The following FRMD4B variants were observed in gnomAD, a reference collection of about 807,000 sequenced individuals.
FRMD4B encodes FERM domain-containing protein 4B.
In FRMD4B, 74 loss-of-function variants were observed where a neutral mutation model predicts 141.5. The ratio of observed to expected loss-of-function variants is 0.52; its 90% confidence interval spans 0.43 to 0.63. The LOEUF is 0.63. Among genes scored for constraint, FRMD4B ranks in the 30% least tolerant of loss-of-function variants. FRMD4B has a pLI of 0.00. For synonymous variants in FRMD4B, 506 were observed against 467.9 expected, an observed-to-expected ratio of 1.08 and a Z score of -1.05; for missense variants, 1,366 against 1,253.4, an observed-to-expected ratio of 1.09 and a Z score of -1.36.
At chr3:69,525,440 A>G (rs1282348157) in intron 1 of FRMD4B, among the ~76,000 whole-genome samples, 1 of 152,208 alleles carries the variant, frequency 6.6e-6, no homozygotes, top group East Asian at 1.9e-4. Flanking sequence ...AAAGCACTGC[A>G]GGAAACAGGC....
At chr3:69,282,213 T>C (rs1420249331) in intron 5 of FRMD4B, among the ~76,000 whole-genome samples, 1 of 152,230 alleles carries the variant, frequency 6.6e-6, no homozygotes, top group Non-Finnish European at 1.5e-5. Context: ...TTCTTGCCTG[T>C]GTATTTCTGT....
intron 1 of FRMD4B, among the ~76,000 whole-genome samples, chr3:69,540,029 C>T (rs1157559527): frequency 6.6e-6 from 1 of 151,952 alleles, no homozygotes; most frequent in Admixed American, 6.6e-5. Flanking sequence ...CCGGTCTCTA[C>T]TAAAAATACA....
At position 69,252,992 on chromosome 3, in the gene FRMD4B, T is replaced by C. The variant is rs13082748; in HGVS notation, c.502-2893A>G. 2.6e-3 allele frequency among the ~76,000 whole-genome samples: 393 copies of C among 152,168 alleles called. 1 individual carries two copies. The highest frequency in any genetic ancestry group is 4.6e-3 in the Non-Finnish European group (316 of 68,020). On this transcript the variant is annotated intron_variant, in intron 5 of 22. Coordinates refer to ENST00000398540, the MANE Select transcript of FRMD4B (RefSeq NM_015123.3). ...CCTCATGGCTAATTTAACTGGGTTA[T>C]AAATTCAATCAATAGGTCACCGGGT...
At position 69,410,726 on chromosome 3, in the gene FRMD4B, AATAT is replaced by A. The variant is rs767608068; in HGVS notation, c.-1+21904_-1+21907del. On this transcript the variant is annotated intron_variant, in intron 2 of 5. Transcript: ENST00000459638. ...AAATATATAAATAAATAAATAAATA[AATAT>A]ATATATATATATATATATATATATA... Among the ~76,000 whole-genome samples the A allele has an allele frequency of 8.2e-3, 703 of 85,544 alleles. 2 individuals carry two copies. The highest frequency in any genetic ancestry group is 0.011 in the Non-Finnish European group (462 of 40,720). 56.1% of individuals were successfully genotyped at this position (85,544 alleles called of 152,430 possible). A position where few individuals can be genotyped will look rare whatever the true frequency, so the allele number is the denominator to read the frequency against.
intron 19 of FRMD4B, among the ~76,000 whole-genome samples, chr3:69,187,540 C>CA (rs1225816489): frequency 8.1e-4 from 88 of 108,078 alleles, no homozygotes; most frequent in African/African-American, 2.5e-3. Flanking sequence ...AACTCCACCT[C>CA]AAAAAAAAAA....
At chr3:69,505,363 G>A (rs1019114808) in intron 1 of FRMD4B, among the ~76,000 whole-genome samples, 3 of 151,994 alleles carry the variant, frequency 2.0e-5, no homozygotes, top group Admixed American at 6.6e-5. Flanking sequence ...GGATGACAGA[G>A]CAAGACCCTA....
chr3:69,477,963 T>C (rs995820639), intron 1 of FRMD4B, among the ~76,000 whole-genome samples: 2 of 152,172 alleles, frequency 1.3e-5, no homozygotes, highest in Non-Finnish European at 2.9e-5. Context: ...ATTTATCCAT[T>C]TCTTCTAGAT....
chr3:69,530,594 A>G (rs1700997494), intron 1 of FRMD4B, among the ~76,000 whole-genome samples: 2 of 151,728 alleles, frequency 1.3e-5, no homozygotes, highest in Admixed American at 1.3e-4. Context: ...CCTCAGGTAT[A>G]CCTTTATAGC....
chr3:69,317,754 C>CAAAAAAAAAAAAAAA (rs765280161), intron 1 of FRMD4B, among the ~76,000 whole-genome samples: 1 of 52,610 alleles, frequency 1.9e-5, no homozygotes, highest in Non-Finnish European at 3.3e-5. Flanking sequence ...GACACCAACT[C>CAAAAAAAAAAAAAAA]AAAAAAAAAA....
intron 1 of FRMD4B, among the ~76,000 whole-genome samples, chr3:69,460,902 A>G (rs1410847553): frequency 6.6e-6 from 1 of 152,176 alleles, no homozygotes; most frequent in Non-Finnish European, 1.5e-5. Context: ...TTCCAGCTCT[A>G]ATTGGAGCTG....
At chr3:69,441,576 A>T (rs991440732) in intron 1 of FRMD4B, among the ~76,000 whole-genome samples, 1 of 152,144 alleles carries the variant, frequency 6.6e-6, no homozygotes, top group Non-Finnish European at 1.5e-5. Flanking sequence ...TTATTGGTGT[A>T]TTATTCCCCA....
At chr3:69,293,329 C>T (rs530092360) in intron 4 of FRMD4B, among the ~76,000 whole-genome samples, 1 of 151,990 alleles carries the variant, frequency 6.6e-6, no homozygotes, top group South Asian at 2.1e-4. Context: ...AGTTTGAATC[C>T]TAGCTCCAGT....
rs571779878 is a variant in FRMD4B, at chr3:69,518,766, G to A, written c.-129+23440C>T. On this transcript the variant is annotated intron_variant, in intron 1 of 5. Transcript: ENST00000459638. ...GCTATAATGTTTAGGACTGAGCCCT[G>A]TGCAAGCCAAGGAAGGTAGGCTGAA... Among the ~76,000 whole-genome samples, 12 of 152,324 alleles carry A rather than the reference G, an allele frequency of 7.9e-5. No individual in the cohort carries two copies. The South Asian group carries it at 2.5e-3, about 32-fold the overall frequency.
chr3:69,508,982 C>G (rs994272888), intron 1 of FRMD4B, among the ~76,000 whole-genome samples: 1 of 152,218 alleles, frequency 6.6e-6, no homozygotes, highest in Non-Finnish European at 1.5e-5. Context: ...ATTCTCTAGA[C>G]TAGGTCTTGA....
intron 1 of FRMD4B, among the ~76,000 whole-genome samples, chr3:69,342,501 A>AT (rs1702772277): frequency 6.6e-6 from 1 of 152,198 alleles, no homozygotes; most frequent in Non-Finnish European, 1.5e-5. Context: ...CAATCTTCTG[A>AT]TGGTGTCTAA....
At chr3:69,536,369 C>G (rs1016891745) in intron 1 of FRMD4B, 3 of 696,524 alleles carry the variant, frequency 4.3e-6, no homozygotes, top group East Asian at 5.5e-5. Context: ...AGGGGCCTGG[C>G]GAGGAGGCTG....
In FRMD4B at chr3:69,195,317, GGA is replaced by G; in HGVS notation, c.1280_1281del (p.Ile427ThrfsTer2). 3 of 1,613,096 alleles carry G rather than the reference GGA, an allele frequency of 1.9e-6. No homozygotes were observed. The highest frequency in any genetic ancestry group is 2.5e-6 in the Non-Finnish European group (3 of 1,179,464). Reference protein sequence around the residue: ...EVSEEQKREKILELKKKEKLL... With the variant: ...EVSEEQKREKXLELKKKEKLL... ...AGTTTCTCCTTCTTCTTTAGTTCAAGGATTTTTTCTCTCTTTTGCTCTTCACT... is the reference window on the plus strand; with the variant it reads ...AGTTTCTCCTTCTTCTTTAGTTCAAGTTTTTTCTCTCTTTTGCTCTTCACT... On this transcript the variant is annotated frameshift_variant, in exon 15 of 23. Coordinates refer to ENST00000398540, the MANE Select transcript of FRMD4B (RefSeq NM_015123.3). LOFTEE classifies it high-confidence loss of function.
chr3:69,292,563 C>T (rs35241780), intron 4 of FRMD4B, among the ~76,000 whole-genome samples: 76,565 of 152,008 alleles, frequency 0.5, 19,682 homozygotes, highest in Non-Finnish European at 0.55. Flanking sequence ...TACTTTCTGG[C>T]GACCAGCCCT....
chr3:69,493,372 G>C (rs570247971), intron 1 of FRMD4B, among the ~76,000 whole-genome samples: 3 of 152,270 alleles, frequency 2.0e-5, no homozygotes, highest in African/African-American at 7.2e-5. Context: ...GGAGCAATAG[G>C]GAGTGGTGGG....
Sources: gnomAD v4.1 joint callset for allele counts (sites outside exome capture counted in the v4.1 genomes callset) on GRCh38, gnomAD v4.1.1 for gene constraint, MANE v1.5 for transcripts, NCBI Gene and HGNC (gene_info 2026-07-23, HGNC 2026-07-21) for gene names.